SMOC1: variants seen among roughly 807,000 people sequenced by gnomAD.
SMOC1 encodes the protein SPARC-related modular calcium-binding protein 1.
A neutral mutation model predicts 56.3 loss-of-function variants in SMOC1; 22 were observed. The ratio of observed to expected loss-of-function variants is 0.39; its 90% CI spans 0.28 to 0.56. The LOEUF (loss-of-function observed/expected upper bound fraction) is 0.56, where lower values mean the gene tolerates loss of function less well. SMOC1 is among the 20% of genes least tolerant of loss of function. The pLI, the probability that SMOC1 is intolerant of heterozygous loss-of-function variation, is 0.61. For missense variants in SMOC1, 509 were observed against 565.4 expected (o/e 0.90, Z 1.01); for synonymous variants, 193 against 215.0 (o/e 0.90, Z 0.89).
intron 1 of SMOC1, among the ~76,000 whole-genome samples, chr14:69,914,865 TATTCATTCATTC>T (rs10699853): frequency 1.1e-4 from 16 of 149,302 alleles, no homozygotes; most frequent in Non-Finnish European, 2.2e-4. Context: ...TAATTTATTT[TATTCATTCATTC>T]ATTCATTCAT....
At chr14:69,879,972 C>T (rs56307916) in intron 1 of SMOC1, among the ~76,000 whole-genome samples, 195 bp downstream of exon 1, 84,265 of 152,022 alleles carry the variant, frequency 0.55, 26,329 homozygotes, top group East Asian at 0.95. Flanking sequence ...ACCACTCTCC[C>T]TTTCTTGACC....
chr14:69,897,195 A>G (rs1385985199), intron 1 of SMOC1, among the ~76,000 whole-genome samples: 1 of 152,144 alleles, frequency 6.6e-6, no homozygotes, highest in Non-Finnish European at 1.5e-5. Flanking sequence ...TGGAAAGCCA[A>G]TAAAGGCAGA....
intron 7 of SMOC1, among the ~76,000 whole-genome samples, chr14:70,000,246 T>A (rs760578905): frequency 2.0e-5 from 3 of 152,210 alleles, no homozygotes; most frequent in Non-Finnish European, 4.4e-5. Flanking sequence ...TGATACTTTA[T>A]TTTGATAAAT....
chr14:69,883,686 T>C (rs540225795), intron 1 of SMOC1, among the ~76,000 whole-genome samples: 1 of 152,134 alleles, frequency 6.6e-6, no homozygotes, highest in Admixed American at 6.6e-5. Context: ...TGCTTTAAAT[T>C]TTTTGAGGAA....
intron 1 of SMOC1, among the ~76,000 whole-genome samples, chr14:69,937,331 A>C: frequency 6.6e-6 from 1 of 152,226 alleles, no homozygotes; most frequent in Non-Finnish European, 1.5e-5. Context: ...ATAGAAAAAG[A>C]TCCTCGTAGT....
chr14:69,909,814 C>T (rs74627050), intron 1 of SMOC1, among the ~76,000 whole-genome samples: 1,614 of 152,236 alleles, frequency 0.011, 37 homozygotes, highest in South Asian at 0.097. Context: ...ATTGATTCTT[C>T]GGCCAAAGAT....
At chr14:69,937,059 C>G (rs1885313802) in intron 1 of SMOC1, among the ~76,000 whole-genome samples, 1 of 152,162 alleles carries the variant, frequency 6.6e-6, no homozygotes, top group South Asian at 2.1e-4. Context: ...GGTGAAAAGT[C>G]TTTAGTACCG....
chr14:69,984,583 C>T (rs1726062587), intron 5 of SMOC1, among the ~76,000 whole-genome samples: 1 of 152,026 alleles, frequency 6.6e-6, no homozygotes, highest in South Asian at 2.1e-4. Flanking sequence ...TGGCTCACAC[C>T]TGTAATCCCA....
At chr14:69,894,512 GT>G (rs1024832951) in intron 1 of SMOC1, among the ~76,000 whole-genome samples, 13 of 152,318 alleles carry the variant, frequency 8.5e-5, no homozygotes, top group African/African-American at 3.1e-4. Flanking sequence ...GGGACAAGGG[GT>G]CAGGTTAATC....
intron 3 of SMOC1, among the ~76,000 whole-genome samples, chr14:69,971,757 C>T (rs894429973): frequency 2.0e-5 from 3 of 152,202 alleles, no homozygotes; most frequent in Admixed American, 6.5e-5. Context: ...ACACCCTGAT[C>T]GCTTTTCTGC....
At chr14:69,977,555 A>G (rs1471034671) in intron 4 of SMOC1, among the ~76,000 whole-genome samples, 1 of 152,224 alleles carries the variant, frequency 6.6e-6, no homozygotes, top group East Asian at 1.9e-4. Context: ...TATGGCTCCA[A>G]ACATGGAACT....
chr14:69,913,066 G>A (rs959837311), intron 1 of SMOC1, among the ~76,000 whole-genome samples: 1 of 152,198 alleles, frequency 6.6e-6, no homozygotes, highest in East Asian at 1.9e-4. Flanking sequence ...GTTTGACAAC[G>A]AAGAAGGGTA....
intron 11 of SMOC1, among the ~76,000 whole-genome samples, chr14:70,029,946 C>T (rs1452944897): frequency 6.6e-6 from 1 of 152,154 alleles, no homozygotes; most frequent in Non-Finnish European, 1.5e-5. Context: ...GAGTGCACAC[C>T]CTGCAACCCA....
intron 1 of SMOC1, among the ~76,000 whole-genome samples, chr14:69,906,052 T>G (rs1400098722): frequency 6.6e-6 from 1 of 152,168 alleles, no homozygotes; most frequent in Non-Finnish European, 1.5e-5. Context: ...GATGCTACCA[T>G]TAAGTTGGGC....
chr14:70,013,284 A>C, intron 9 of SMOC1, 102 bp from the exon 10 acceptor site: 2 of 1,040,124 alleles, frequency 1.9e-6, no homozygotes, highest in Non-Finnish European at 3.0e-6. Flanking sequence ...ATTTGGCTGG[A>C]CAAGAAGGGC....
At chr14:69,960,375 C>T (rs1883327914) in intron 3 of SMOC1, among the ~76,000 whole-genome samples, 1 of 152,134 alleles carries the variant, frequency 6.6e-6, no homozygotes, top group Non-Finnish European at 1.5e-5. Context: ...CCACAGTTGG[C>T]CCCTTTGGAT....
At chr14:69,881,012 A>T (rs1424455761) in intron 1 of SMOC1, among the ~76,000 whole-genome samples, 3 of 152,194 alleles carry the variant, frequency 2.0e-5, no homozygotes, top group Admixed American at 1.3e-4. Flanking sequence ...TAGGAAAGAA[A>T]AGTGTTTGTC....
At chr14:69,890,892 T>C (rs7158188) in intron 1 of SMOC1, among the ~76,000 whole-genome samples, 7,663 of 152,288 alleles carry the variant, frequency 0.05, 444 homozygotes, top group South Asian at 0.16. Context: ...GAAATTCTAA[T>C]GTATATGGAG....
intron 10 of SMOC1, among the ~76,000 whole-genome samples, chr14:70,014,991 A>G (rs116714948): frequency 1.8e-3 from 276 of 152,366 alleles, no homozygotes; most frequent in African/African-American, 6.3e-3. Context: ...GAAGGCAGCC[A>G]TTTTGAAAAC....
Sources: gnomAD v4.1 joint callset for allele counts (sites outside exome capture counted in the v4.1 genomes callset) on GRCh38, gnomAD v4.1.1 for gene constraint, MANE v1.5 for transcripts, NCBI Gene and HGNC (gene_info 2026-07-23, HGNC 2026-07-21) for gene names.